Variants in RAB6A observed in about 807,000 individuals in gnomAD.
RAB6A encodes the protein RAB6A, member RAS oncogene family, also known as ras-related protein Rab-6A.
Under a neutral mutation model 32.3 loss-of-function variants are expected in RAB6A, and 8 were observed. That is an observed-to-expected ratio of 0.25 (90% confidence interval 0.15 to 0.45). The LOEUF (loss-of-function observed/expected upper bound fraction) is 0.45, where lower values mean the gene tolerates loss of function less well. RAB6A is among the 20% of genes least tolerant of loss of function. The pLI is 1.00. For synonymous variants in RAB6A, 73 were observed against 82.1 expected (o/e 0.89, Z 0.60); for missense variants, 104 against 249.4 (o/e 0.42, Z 3.93).
chr11:73,758,187 A>G (rs1228836935), intron 1 of RAB6A, among the ~76,000 whole-genome samples: 2 of 152,230 alleles, frequency 1.3e-5, no homozygotes, highest in East Asian at 3.8e-4. Context: ...ACAGAGATCA[A>G]TCTTTCATTG....
intron 1 of RAB6A, among the ~76,000 whole-genome samples, chr11:73,753,783 G>A (rs919296323): frequency 6.7e-6 from 1 of 150,368 alleles, no homozygotes; most frequent in African/African-American, 2.4e-5. Flanking sequence ...AAAGTGCTGG[G>A]ATTACAGGCG....
intron 6 of RAB6A, among the ~76,000 whole-genome samples, chr11:73,705,767 TGAGAGAGA>T (rs3046616): frequency 0.012 from 1,677 of 134,840 alleles, 14 homozygotes; most frequent in Middle Eastern, 0.043. Flanking sequence ...ATAATTCCGA[TGAGAGAGA>T]GAGAGAGAGA....
chr11:73,730,476 T>C (rs1946286412), intron 2 of RAB6A: 3 of 273,206 alleles, frequency 1.1e-5, no homozygotes, highest in South Asian at 1.4e-4. Context: ...CACAGAATCC[T>C]AGGCTTGGAC....
intron 5 of RAB6A, among the ~76,000 whole-genome samples, chr11:73,708,869 T>A (rs1386299067): frequency 1.3e-5 from 2 of 152,156 alleles, no homozygotes; most frequent in African/African-American, 4.8e-5. Flanking sequence ...AAAACTTACA[T>A]CTATGTATTA....
At chr11:73,717,548 G>A (rs1946069817) in intron 4 of RAB6A, among the ~76,000 whole-genome samples, 1 of 152,184 alleles carries the variant, frequency 6.6e-6, no homozygotes, top group South Asian at 2.1e-4. Context: ...AGGTTCAAGA[G>A]GTTTTCCTGC....
chr11:73,757,098 CATATATAT>C (rs1170100550), intron 1 of RAB6A, among the ~76,000 whole-genome samples: 875 of 37,632 alleles, frequency 0.023, 21 homozygotes, highest in African/African-American at 0.027. Context: ...AATATACATA[CATATATAT>C]ATATATATAT....
At chr11:73,678,737 G>A (rs1490661494) in intron 7 of RAB6A, among the ~76,000 whole-genome samples, 2 of 146,448 alleles carry the variant, frequency 1.4e-5, no homozygotes, top group South Asian at 4.4e-4. Flanking sequence ...TTTTTTTTTT[G>A]GGGGGGGAAT....
At chr11:73,685,065 A>C (rs1945421353) in intron 6 of RAB6A, among the ~76,000 whole-genome samples, 1 of 152,204 alleles carries the variant, frequency 6.6e-6, no homozygotes. Flanking sequence ...CAAAAAACTA[A>C]AAGGTAAAGT....
intron 5 of RAB6A, among the ~76,000 whole-genome samples, chr11:73,714,214 A>T (rs867617961): frequency 1.7e-4 from 18 of 105,346 alleles, no homozygotes; most frequent in Admixed American, 5.8e-4. Flanking sequence ...AAAAAAATAT[A>T]TATATATATA....
At chr11:73,741,725 G>C (rs1183094881) in intron 1 of RAB6A, among the ~76,000 whole-genome samples, 1 of 152,022 alleles carries the variant, frequency 6.6e-6, no homozygotes, top group African/African-American at 2.4e-5. Context: ...AACCTAATGT[G>C]AACTATTAAA....
chr11:73,760,643 C>T lies in RAB6A; in HGVS notation c.-8G>A. ...GTCTCCGCCCGTGGACATTGTGGAA[C>T]TAGAGGAGCGGCCGCCGCCTCAGCC... On this transcript the variant is annotated 5_prime_UTR_variant, in exon 1 of 8. Coordinates refer to ENST00000336083, the MANE Select transcript of RAB6A (RefSeq NM_198896.2). 1 of 1,607,180 alleles carries T rather than the reference C, an allele frequency of 6.2e-7. No homozygotes were observed. Among genetic ancestry groups the T allele is most frequent in the Non-Finnish European group, 8.5e-7 (1 of 1,177,130 alleles).
intron 1 of RAB6A, among the ~76,000 whole-genome samples, chr11:73,745,482 C>T (rs1370806349): frequency 2.0e-5 from 3 of 152,124 alleles, no homozygotes; most frequent in Non-Finnish European, 2.9e-5. Context: ...CAGTGACTAA[C>T]GCCTATAATC....
intron 5 of RAB6A, among the ~76,000 whole-genome samples, chr11:73,713,383 A>C (rs1426732725): frequency 1.3e-5 from 2 of 152,194 alleles, no homozygotes; most frequent in Non-Finnish European, 2.9e-5. Context: ...ATCCTGGCTA[A>C]CACGGTGAAA....
chr11:73,722,339 ATATATTTTTTTTTTTT>A (rs1946153750), intron 2 of RAB6A: 1 of 10,674 alleles, frequency 9.4e-5, no homozygotes, highest in Non-Finnish European at 2.2e-4. Flanking sequence ...ATATATATAT[ATATATTTTTTTTTTTT>A]TTTTTTTTTT....
intron 5 of RAB6A, among the ~76,000 whole-genome samples, chr11:73,708,377 C>G (rs1445408403): frequency 6.6e-6 from 1 of 152,084 alleles, no homozygotes; most frequent in Non-Finnish European, 1.5e-5. Context: ...CCATGTTGGC[C>G]AGGCTGGTCT....
At chr11:73,739,284 A>AAAAAAAAATATATATAT (rs1208877325) in intron 1 of RAB6A, among the ~76,000 whole-genome samples, 1 of 6,756 alleles carries the variant, frequency 1.5e-4, no homozygotes, top group Non-Finnish European at 3.4e-4. Flanking sequence ...AAAAAAAAAA[A>AAAAAAAAATATATATAT]ATATATATAT....
intron 6 of RAB6A, among the ~76,000 whole-genome samples, chr11:73,698,761 ATATGT>A (rs2134900057): frequency 1.4e-5 from 2 of 144,952 alleles, no homozygotes; most frequent in Non-Finnish European, 2.9e-5. Context: ...TGTATCATAC[ATATGT>A]TAATTTTTCT....
chr11:73,699,763 C>G (rs574108687), intron 6 of RAB6A, among the ~76,000 whole-genome samples: 1 of 152,134 alleles, frequency 6.6e-6, no homozygotes, highest in African/African-American at 2.4e-5. Flanking sequence ...AGTGGTCTAG[C>G]GTGCCACACT....
chr11:73,735,104 AT>A (rs1194656775), intron 1 of RAB6A, among the ~76,000 whole-genome samples: 4 of 152,210 alleles, frequency 2.6e-5, no homozygotes, highest in African/African-American at 9.6e-5. Flanking sequence ...TTCTAGCACA[AT>A]TTCAACATTT....
Sources: allele counts gnomAD v4.1 joint callset (sites outside exome capture counted in the v4.1 genomes callset), GRCh38; gene constraint gnomAD v4.1.1; transcripts MANE v1.5; gene names NCBI Gene and HGNC (gene_info 2026-07-23, HGNC 2026-07-21).